The following ADAMTS5 variants were observed in gnomAD, a reference collection of about 807,000 sequenced individuals.
The protein encoded by ADAMTS5 is A disintegrin and metalloproteinase with thrombospondin motifs 5.
Under a neutral mutation model 81.4 loss-of-function variants are expected in ADAMTS5, and 54 were observed. The ratio of observed to expected loss-of-function variants is 0.66; its 90% CI spans 0.53 to 0.83. The LOEUF (loss-of-function observed/expected upper bound fraction) is 0.83, where lower values mean the gene tolerates loss of function less well. Ranked by LOEUF, ADAMTS5 falls within the 40% of genes least tolerant of loss-of-function variation. ADAMTS5 has a pLI of 0.00. For synonymous variants in ADAMTS5, 532 were observed against 508.8 expected (o/e 1.05, Z -0.61); for missense variants, 1,194 against 1,229.9 (o/e 0.97, Z 0.44).
rs1457428448 is a variant in ADAMTS5, at chr21:26,954,852, G to C, written c.1124C>G (p.Ser375Ter). 1.9e-5 allele frequency: 30 copies of C among 1,614,062 alleles called. No individual in the cohort carries two copies. Among genetic ancestry groups the C allele is most frequent in the Non-Finnish European group, 2.5e-5 (29 of 1,179,982 alleles). Residue 375 changes from serine to a stop codon, truncating the protein, a stop_gained, in exon 2 of 8, where the codon TCA becomes TGA. Transcript: ENST00000284987. LOFTEE classifies it high-confidence loss of function. ...GTCTGCCATTCCCAGGGTGTCACAT[G>C]AATGATGCCCACATAAATCCTGCCC... ...FTREDLCGHH[S>*]CDTLGMADVG...
chr21:26,938,914 A>C (rs1284782879), intron 3 of ADAMTS5, among the ~76,000 whole-genome samples: 2 of 152,158 alleles, frequency 1.3e-5, no homozygotes, highest in African/African-American at 2.4e-5. Context: ...CTTCCTTTTC[A>C]ATATGCAGGT....
chr21:26,939,856 A>G (rs1369951160), intron 3 of ADAMTS5: 1 of 152,254 alleles, frequency 6.6e-6, no homozygotes, highest in Non-Finnish European at 1.5e-5. Flanking sequence ...GCCTAGAGCT[A>G]GCTTGTATAA....
Position 26,933,004 on chromosome 21 carries a change from C to A in ADAMTS5, c.1730G>T (p.Gly577Val). 6.2e-7 allele frequency: 1 copy of A among 1,613,500 alleles called. No individual in the cohort carries two copies. The highest frequency in any genetic ancestry group is 1.1e-5 in the South Asian group (1 of 90,900). The change falls in exon 5 of 8, where the codon GGC (glycine) becomes GTC (valine). Residue 577 changes from glycine (G) to valine (V), a missense_variant. Gly to Val is a moderately radical substitution (Grantham distance 109, BLOSUM62 -3). Coordinates refer to ENST00000284987, the MANE Select transcript of ADAMTS5 (RefSeq NM_007038.5). ...HGNWGSWGSW[G>V]QCSRSCGGGV... Reference sequence around the variant, plus strand: ...TCCTCCACATGAGCGAGAACACTGGCCCCAGGATCCCCAAGATCCCCAGTT... The same window carrying A: ...TCCTCCACATGAGCGAGAACACTGGACCCAGGATCCCCAAGATCCCCAGTT...
intron 2 of ADAMTS5, among the ~76,000 whole-genome samples, chr21:26,946,226 C>T (rs1419521469): frequency 2.6e-5 from 4 of 152,160 alleles, no homozygotes; most frequent in African/African-American, 9.7e-5. Flanking sequence ...ACGTGACACA[C>T]ATTCTAAAGG....
chr21:26,940,759 A>G (rs1362742442), intron 3 of ADAMTS5, among the ~76,000 whole-genome samples: 2 of 152,250 alleles, frequency 1.3e-5, no homozygotes, highest in African/African-American at 2.4e-5. Flanking sequence ...ACAAAGATGC[A>G]TCTTTGTTAT....
At chr21:26,930,317 G>T (rs1163361919) in intron 6 of ADAMTS5, among the ~76,000 whole-genome samples, 1 of 152,194 alleles carries the variant, frequency 6.6e-6, no homozygotes, top group Non-Finnish European at 1.5e-5. Context: ...AATGTGTTAA[G>T]AGACACAAGG....
At position 26,931,981 on chromosome 21, in the gene ADAMTS5, C is replaced by A. The variant is rs1349069181; in HGVS notation, c.2049+23G>T. 3.1e-6 allele frequency: 5 copies of A among 1,592,920 alleles called. No homozygotes were observed. In the African/African-American group the frequency reaches 6.7e-5, roughly 21 times the overall value. On this transcript the variant is annotated intron_variant, in intron 6 of 7. Coordinates refer to ENST00000284987, the MANE Select transcript of ADAMTS5 (RefSeq NM_007038.5). Reference sequence around the variant, plus strand: ...ATTTCCACCAGTACGCCTACTGCTTCTGGACAGTTGGTGTGTAGTTACCTT... The same window carrying A: ...ATTTCCACCAGTACGCCTACTGCTTATGGACAGTTGGTGTGTAGTTACCTT...
In ADAMTS5 at chr21:26,920,610, T is replaced by C. The variant is rs1042875403; in HGVS notation, c.*3443A>G. The C allele has an allele frequency of 2.0e-5, 3 of 152,090 alleles. No individual in the cohort carries two copies. The highest frequency in any genetic ancestry group is 1.3e-4 in the Admixed American group (2 of 15,246). 9.4% of individuals were successfully genotyped at this position (152,090 alleles called of 1,614,324 possible). A position where few individuals can be genotyped will look rare whatever the true frequency, so the allele number is the denominator to read the frequency against. On this transcript the variant is annotated 3_prime_UTR_variant, in exon 8 of 8. Coordinates refer to ENST00000284987, the MANE Select transcript of ADAMTS5 (RefSeq NM_007038.5). ...TTGTGTGTAGACAACTTTCATCTAATACATCAATATCGACTTGTCCAAGTT... is the reference window on the plus strand; with the variant it reads ...TTGTGTGTAGACAACTTTCATCTAACACATCAATATCGACTTGTCCAAGTT...
rs1986628783 is a variant in ADAMTS5 at position 26,918,675 on chromosome 21, G to A, written c.*5378C>T. ...GTCTAGCTTTACAAAGTCACATACA[G>A]TATGTTCTTCTATTGTAAATATACT... On this transcript the variant is annotated 3_prime_UTR_variant, in exon 8 of 8. Transcript: ENST00000284987. 1 of 151,884 alleles carries A rather than the reference G, an allele frequency of 6.6e-6. No individual in the cohort carries two copies. Among genetic ancestry groups the A allele is most frequent in the African/African-American group, 2.4e-5 (1 of 41,358 alleles). 9.4% of individuals were successfully genotyped at this position (151,884 alleles called of 1,614,324 possible). A position where few individuals can be genotyped will look rare whatever the true frequency, so the allele number is the denominator to read the frequency against.
At chr21:26,948,502 G>A (rs1417348473) in intron 2 of ADAMTS5, among the ~76,000 whole-genome samples, 1 of 152,180 alleles carries the variant, frequency 6.6e-6, no homozygotes, top group Non-Finnish European at 1.5e-5. Context: ...GAGGTGCACG[G>A]TCTTGCCAGG....
intron 7 of ADAMTS5, 74 bp from the exon 8 acceptor site, chr21:26,924,694 A>G: frequency 8.3e-7 from 1 of 1,207,182 alleles, no homozygotes. Flanking sequence ...GTAAACACTT[A>G]ACAAATAAAT....
At chr21:26,935,062 C>T (rs1288129418) in intron 3 of ADAMTS5, among the ~76,000 whole-genome samples, 1 of 151,990 alleles carries the variant, frequency 6.6e-6, no homozygotes, top group Non-Finnish European at 1.5e-5. Flanking sequence ...TGCTAAGGCA[C>T]TAAACAAAAT....
At chr21:26,955,674 A>G (rs1987412346) in intron 1 of ADAMTS5, among the ~76,000 whole-genome samples, 1 of 152,210 alleles carries the variant, frequency 6.6e-6, no homozygotes, top group Non-Finnish European at 1.5e-5. Flanking sequence ...TGAAACATAA[A>G]GAGAAAATAT....
intron 1 of ADAMTS5, 87 bp from the exon 2 acceptor site, chr21:26,954,958 CA>C: frequency 6.7e-7 from 1 of 1,498,390 alleles, no homozygotes; most frequent in Non-Finnish European, 9.1e-7. Flanking sequence ...CCCCAAATGG[CA>C]ACAGGGATAT....
chr21:26,940,257 A>G (rs1166938289), intron 3 of ADAMTS5, among the ~76,000 whole-genome samples: 1 of 152,238 alleles, frequency 6.6e-6, no homozygotes, highest in African/African-American at 2.4e-5. Flanking sequence ...TTTAGGTACC[A>G]TTGAAAAATT....
In ADAMTS5 at chr21:26,966,161, G is replaced by A. The variant is rs995396184; in HGVS notation, c.231C>T (p.Ile77=). 1.2e-6 allele frequency: 2 copies of A among 1,610,166 alleles called. No homozygotes were observed. Among genetic ancestry groups the A allele is most frequent in the Non-Finnish European group, 8.5e-7 (1 of 1,178,572 alleles). Residue 77 remains isoleucine, a synonymous_variant, in exon 1 of 8, where the codon ATC becomes ATT. Coordinates refer to ENST00000284987, the MANE Select transcript of ADAMTS5 (RefSeq NM_007038.5). ...RRRSKGLVQN[I]DQLYSGGGKV... ...TGCCGCCGCCGGAGTAGAGTTGGTC[G>A]ATGTTCTGCACCAGCCCCTTGCTCC...
chr21:26,965,843 C>T lies in ADAMTS5; in HGVS notation c.549G>A (p.Gly183=). The T allele has an allele frequency of 6.2e-7, 1 of 1,612,334 alleles. No homozygotes were observed. Among genetic ancestry groups the T allele is most frequent in the Non-Finnish European group, 8.5e-7 (1 of 1,179,456 alleles). ...CGTGCAGGATCCGTGCGGACCCATC[C>T]CCGTACACGCGCCCCTTTTCTTCCT... The part of the protein sequence containing the change: ...WAEEEKGRVY[G]DGSARILHVY... Residue 183 remains glycine, a synonymous_variant, in exon 1 of 8, where the codon GGG becomes GGA. Transcript: ENST00000284987.
At chr21:26,950,864 A>AT (rs34025933) in intron 2 of ADAMTS5, among the ~76,000 whole-genome samples, 46,070 of 151,228 alleles carry the variant, frequency 0.3, 7,502 homozygotes, top group South Asian at 0.41. Flanking sequence ...TCAAGGTAAG[A>AT]TTTTTTTTTA....
intron 1 of ADAMTS5, among the ~76,000 whole-genome samples, chr21:26,959,288 C>T (rs34164644): frequency 0.028 from 4,267 of 152,226 alleles, 100 homozygotes; most frequent in South Asian, 0.054. Flanking sequence ...ACAAAGTTCC[C>T]TCATCATTAA....
Sources: allele counts gnomAD v4.1 joint callset (sites outside exome capture counted in the v4.1 genomes callset), GRCh38; gene constraint gnomAD v4.1.1; transcripts MANE v1.5; gene names NCBI Gene and HGNC (gene_info 2026-07-23, HGNC 2026-07-21).